Variants in PPHLN1 observed in about 807,000 individuals in gnomAD.
The protein encoded by PPHLN1 is periphilin-1.
In PPHLN1, 29 loss-of-function variants were observed where a neutral mutation model predicts 51.3. The observed-to-expected ratio is 0.57, with a 90% CI of 0.42 to 0.77. The LOEUF is 0.77. Among genes scored for constraint, PPHLN1 ranks in the 30% least tolerant of loss-of-function variants. The pLI is 0.00. For synonymous variants in PPHLN1, 147 were observed against 147.8 expected (o/e 0.99, Z 0.04); for missense variants, 436 against 438.4 (o/e 0.99, Z 0.05).
chr12:42,350,825 A>T (rs10880294), intron 2 of PPHLN1, among the ~76,000 whole-genome samples: 1 of 151,800 alleles, frequency 6.6e-6, no homozygotes, highest in Non-Finnish European at 1.5e-5. Context: ...CCAGTCAGGC[A>T]TGGCGGCGCG....
At chr12:42,379,905 G>A (rs1311256406) in intron 5 of PPHLN1, among the ~76,000 whole-genome samples, 1 of 151,990 alleles carries the variant, frequency 6.6e-6, no homozygotes, top group Non-Finnish European at 1.5e-5. Context: ...GGAGCATAAG[G>A]CCAACTGTAG....
intron 1 of PPHLN1, among the ~76,000 whole-genome samples, chr12:42,334,339 G>A (rs1363119304): frequency 2.0e-5 from 3 of 152,116 alleles, no homozygotes; most frequent in African/African-American, 7.2e-5. Flanking sequence ...TTTAAAGTAA[G>A]ATTTCCTAGG....
intron 1 of PPHLN1, among the ~76,000 whole-genome samples, chr12:42,330,936 C>T (rs1215306321): frequency 1.3e-5 from 2 of 152,178 alleles, no homozygotes; most frequent in African/African-American, 2.4e-5. Flanking sequence ...GTCTCAATCT[C>T]CTGACCTTGT....
chr12:42,389,418 G>A (rs151223957), intron 7 of PPHLN1, among the ~76,000 whole-genome samples: 2,721 of 151,552 alleles, frequency 0.018, 42 homozygotes, highest in Non-Finnish European at 0.028. Context: ...CAATTAGCCG[G>A]GTGTGGTGGC....
intron 5 of PPHLN1, among the ~76,000 whole-genome samples, chr12:42,381,776 C>A (rs540243017): frequency 1.3e-5 from 2 of 152,306 alleles, no homozygotes; most frequent in South Asian, 4.1e-4. Context: ...ATTTTCTTAT[C>A]ATCTGTGTAG....
At chr12:42,354,849 T>C (rs1440205824) in intron 3 of PPHLN1, among the ~76,000 whole-genome samples, 1 of 152,204 alleles carries the variant, frequency 6.6e-6, no homozygotes, top group Non-Finnish European at 1.5e-5. Flanking sequence ...AATGTGTGCT[T>C]TATTAAATTT....
At chr12:42,446,257 T>C, downstream of PPHLN1, 3 of 1,609,912 alleles carry the variant, frequency 1.9e-6, no homozygotes, top group Non-Finnish European at 2.5e-6. Context: ...TGTTCCTTGC[T>C]ATGCTCTCTG....
At chr12:42,330,241 G>A (rs2069493469) in intron 1 of PPHLN1, among the ~76,000 whole-genome samples, 1 of 152,194 alleles carries the variant, frequency 6.6e-6, no homozygotes, top group Admixed American at 6.5e-5. Context: ...GTACAATCGG[G>A]TTTTATACCG....
At chr12:42,426,664 G>A (rs2081526998) in intron 9 of PPHLN1, among the ~76,000 whole-genome samples, 1 of 152,094 alleles carries the variant, frequency 6.6e-6, no homozygotes, top group Non-Finnish European at 1.5e-5. Context: ...CAAATAAAAA[G>A]ACCTTTAGAA....
At chr12:42,378,086 CTT>C (rs2076426371) in intron 5 of PPHLN1, among the ~76,000 whole-genome samples, 1 of 122,950 alleles carries the variant, frequency 8.1e-6, no homozygotes, top group Non-Finnish European at 1.7e-5. Flanking sequence ...ATCTATCTAT[CTT>C]TCTCTTTCTT....
intron 1 of PPHLN1, among the ~76,000 whole-genome samples, chr12:42,328,664 T>C (rs1206555771): frequency 6.6e-6 from 1 of 152,234 alleles, no homozygotes; most frequent in African/African-American, 2.4e-5. Context: ...CCTTAAAGCG[T>C]TGGAAAGTCA....
In PPHLN1 at chr12:42,366,251, A is replaced by G. The variant is rs575864726; in HGVS notation, c.300-8612A>G. Among the ~76,000 whole-genome samples, 164 of 130,116 alleles carry G rather than the reference A, an allele frequency of 1.3e-3. 1 individual carries two copies. In the South Asian group the frequency reaches 0.032, roughly 25 times the overall value. The allele number at this position is 130,116 out of a possible 152,430, so 85.4% of individuals were successfully genotyped here. ...TTTTTTTTTTTTTTTTTTTTGAGAC[A>G]GAGTCTCACTCTGTCGCCCAGGCTG... On this transcript the variant is annotated intron_variant, in intron 4 of 9. Transcript: ENST00000358314.
At chr12:42,448,282 C>T (rs1343432447), downstream of PPHLN1, 1 of 152,408 alleles carries the variant, frequency 6.6e-6, no homozygotes, top group Non-Finnish European at 1.5e-5. Context: ...CCCCAAATTA[C>T]AGTCAGCATT....
chr12:42,421,510 G>T (rs1457259610), intron 9 of PPHLN1, among the ~76,000 whole-genome samples: 1 of 152,024 alleles, frequency 6.6e-6, no homozygotes, highest in Non-Finnish European at 1.5e-5. Flanking sequence ...ACCATGCCTG[G>T]CTAATTTTTG....
intron 7 of PPHLN1, among the ~76,000 whole-genome samples, chr12:42,392,156 C>T (rs2077780990): frequency 6.6e-6 from 1 of 152,140 alleles, no homozygotes; most frequent in Non-Finnish European, 1.5e-5. Context: ...GCGGAGGTTG[C>T]AGTGAGCCGA....
intron 7 of PPHLN1, among the ~76,000 whole-genome samples, chr12:42,391,199 G>GAAAACTATCTATCTCTCTGTCA (rs1371382387): frequency 2.0e-5 from 3 of 152,106 alleles, no homozygotes; most frequent in Non-Finnish European, 4.4e-5. Flanking sequence ...GTTTTCGAAT[G>GAAAACTATCTATCTCTCTGTCA]TGCAGAGAGA....
intron 9 of PPHLN1, among the ~76,000 whole-genome samples, chr12:42,439,240 A>T (rs531714190): frequency 5.3e-5 from 8 of 152,284 alleles, no homozygotes; most frequent in African/African-American, 1.9e-4. Flanking sequence ...CTGTGTCTAG[A>T]TTATTTATTT....
chr12:42,421,518 T>G (rs2081006811), intron 9 of PPHLN1, among the ~76,000 whole-genome samples: 1 of 152,066 alleles, frequency 6.6e-6, no homozygotes, highest in African/African-American at 2.4e-5. Context: ...TGGCTAATTT[T>G]TGTATTTTTA....
intron 5 of PPHLN1, among the ~76,000 whole-genome samples, chr12:42,380,269 A>T (rs970085758): frequency 6.6e-6 from 1 of 152,050 alleles, no homozygotes; most frequent in African/African-American, 2.4e-5. Flanking sequence ...AAATACTTTT[A>T]CTTTGCAAGA....
Sources: allele counts gnomAD v4.1 joint callset (sites outside exome capture counted in the v4.1 genomes callset), GRCh38; gene constraint gnomAD v4.1.1; transcripts MANE v1.5; gene names NCBI Gene and HGNC (gene_info 2026-07-23, HGNC 2026-07-21).